The following DMD variants were observed in gnomAD, a reference collection of about 807,000 sequenced individuals.
DMD encodes the protein dystrophin.
In DMD, 63 loss-of-function variants were observed where a neutral mutation model predicts 330.1. The observed-to-expected ratio is 0.19, with a 90% CI of 0.16 to 0.24. The LOEUF (loss-of-function observed/expected upper bound fraction) is 0.24. DMD is among the 10% of genes least tolerant of loss of function. The pLI, the probability that DMD is intolerant of heterozygous loss-of-function variation, is 1.00. For synonymous variants in DMD, 1,223 were observed against 959.8 expected, an observed-to-expected ratio of 1.27 and a Z score of -5.07; for missense variants, 3,344 against 2,684.1, an observed-to-expected ratio of 1.25 and a Z score of -5.43.
rs1281599822 is a variant in DMD at position 32,252,623 on chromosome X, AAT to A, written c.6290+34904_6290+34905del. On this transcript the variant is annotated intron_variant, in intron 43 of 78. Coordinates refer to ENST00000357033, the MANE Select transcript of DMD (RefSeq NM_004006.3). ...ATAAACATATATAAATAAATATATA[AAT>A]ATGTGTATATATAAATATATATAAA... Among the ~76,000 whole-genome samples, 66 of 77,522 alleles carry A rather than the reference AAT, an allele frequency of 8.5e-4. 2 individuals carry two copies. The highest frequency in any genetic ancestry group is 3.2e-3 in the African/African-American group (63 of 19,904). 67.3% of individuals were successfully genotyped at this position (77,522 alleles called of 115,157 possible).
intron 13 of DMD, among the ~76,000 whole-genome samples, chrX:32,581,091 G>A (rs1372237059): frequency 1.8e-5 from 2 of 112,092 alleles, no homozygotes; most frequent in Non-Finnish European, 3.8e-5. Context: ...CTCGCAAAGT[G>A]CTGGGATTGC....
intron 74 of DMD, among the ~76,000 whole-genome samples, chrX:31,161,965 C>A (rs1203414401): frequency 9.0e-6 from 1 of 110,878 alleles, no homozygotes; most frequent in African/African-American, 3.3e-5. Flanking sequence ...TCATCCTTCC[C>A]CCATCTCTCA....
intron 44 of DMD, among the ~76,000 whole-genome samples, chrX:32,215,847 C>A (rs998070373): frequency 1.1e-4 from 12 of 111,822 alleles, no homozygotes; most frequent in Non-Finnish European, 1.7e-4. Flanking sequence ...CGCTGGTGTG[C>A]ATGCAAGTTT....
chrX:32,059,803 A>C (rs1306098739), intron 44 of DMD, among the ~76,000 whole-genome samples: 1 of 111,406 alleles, frequency 9.0e-6, no homozygotes, highest in Non-Finnish European at 1.9e-5. Flanking sequence ...ATAAGATAGT[A>C]AGATACCTGA....
chrX:32,873,492 G>T (rs2083156183), intron 2 of DMD, among the ~76,000 whole-genome samples: 1 of 111,047 alleles, frequency 9.0e-6, no homozygotes, highest in African/African-American at 3.3e-5. Flanking sequence ...CAATTTTGAG[G>T]AAATAATTCT....
At chrX:32,339,042 A>T (rs2074816863) in intron 41 of DMD, among the ~76,000 whole-genome samples, 1 of 112,229 alleles carries the variant, frequency 8.9e-6, no homozygotes, top group Non-Finnish European at 1.9e-5. Flanking sequence ...TTCCAATGTT[A>T]ATATATATAC....
At chrX:32,266,828 C>T (rs982415657) in intron 43 of DMD, among the ~76,000 whole-genome samples, 1 of 111,758 alleles carries the variant, frequency 8.9e-6, no homozygotes, top group Non-Finnish European at 1.9e-5. Flanking sequence ...AATGTTTATA[C>T]CTTTCATGTT....
intron 1 of DMD, among the ~76,000 whole-genome samples, chrX:33,040,957 T>C (rs1008003356): frequency 8.9e-6 from 1 of 112,240 alleles, no homozygotes; most frequent in South Asian, 3.7e-4. Flanking sequence ...TTCATCTAGA[T>C]ACTAAAGAAA....
chrX:32,911,333 A>C (rs1438758922), intron 2 of DMD, among the ~76,000 whole-genome samples: 7 of 112,151 alleles, frequency 6.2e-5, no homozygotes, highest in Non-Finnish European at 5.6e-5. Flanking sequence ...CAGTTTCAAA[A>C]GGCTGTGCTC....
At chrX:31,737,981 T>C (rs888740397) in intron 51 of DMD, among the ~76,000 whole-genome samples, 3 of 111,857 alleles carry the variant, frequency 2.7e-5, no homozygotes, top group African/African-American at 9.7e-5. Flanking sequence ...GTAGAAGCAG[T>C]ATATAGTTGG....
rs1009244790 is a variant in DMD, at chrX:33,239,301, A to G, written c.7+99958T>C. Among the ~76,000 whole-genome samples the G allele has an allele frequency of 7.6e-5, 7 of 92,538 alleles. No homozygotes were observed. The East Asian group carries it at 2.2e-3, about 29-fold the overall frequency. The allele number at this position is 92,538 out of a possible 115,157, so 80.4% of individuals were successfully genotyped here. A position where few individuals can be genotyped will look rare whatever the true frequency, so the allele number is the denominator to read the frequency against. ...AAAAAAAAAAAAAAAAAAAAAAAAA[A>G]TGTCGAATGTCAGGCACATTCCAAA... On this transcript the variant is annotated intron_variant, in intron 1 of 17. Coordinates refer to the DMD transcript ENST00000288447.
At chrX:31,804,723 G>A (rs1445592641) in intron 50 of DMD, among the ~76,000 whole-genome samples, 1 of 111,196 alleles carries the variant, frequency 9.0e-6, no homozygotes, top group East Asian at 2.8e-4. Flanking sequence ...TTTTTAAAAC[G>A]TGCTAGGCTC....
intron 21 of DMD, among the ~76,000 whole-genome samples, chrX:32,478,287 G>A (rs897755107): frequency 2.7e-5 from 3 of 111,649 alleles, no homozygotes; most frequent in African/African-American, 9.7e-5. Flanking sequence ...TGAAGAAGCT[G>A]AACTAATGAC....
intron 2 of DMD, among the ~76,000 whole-genome samples, chrX:32,933,727 G>A (rs1175893979): frequency 8.9e-6 from 1 of 111,868 alleles, no homozygotes; most frequent in East Asian, 2.8e-4. Flanking sequence ...GAGAGGCAGT[G>A]ACGAGAGTGT....
chrX:32,411,256 G>A (rs2098140720), intron 30 of DMD, among the ~76,000 whole-genome samples: 1 of 110,801 alleles, frequency 9.0e-6, no homozygotes, highest in South Asian at 3.8e-4. Flanking sequence ...TCAGCCTCCC[G>A]AGTAGCTGGG....
chrX:32,973,226 G>A lies in DMD; in HGVS notation c.93+46913C>T, dbSNP rs1049213048. On this transcript the variant is annotated intron_variant, in intron 2 of 78. Transcript: ENST00000357033. ...TAGATGAATGCAATGGTTTATTCTC[G>A]TGATTTTAAATTTAATCATTTGTAA... 8.0e-5 allele frequency among the ~76,000 whole-genome samples: 9 copies of A among 111,982 alleles called. No homozygotes were observed. The East Asian group carries it at 1.1e-3, about 14-fold the overall frequency.
chrX:33,245,980 A>G (rs1048350851), intron 1 of DMD, among the ~76,000 whole-genome samples: 5 of 111,934 alleles, frequency 4.5e-5, no homozygotes, highest in African/African-American at 1.6e-4. Context: ...ATTTTTTTCC[A>G]TACTGACATG....
intron 55 of DMD, among the ~76,000 whole-genome samples, chrX:31,569,654 A>ATACGTGTATATACGTGTATATACGTG (rs1556698916): frequency 7.9e-5 from 8 of 101,219 alleles, no homozygotes; most frequent in African/African-American, 2.2e-4. Context: ...ATATACGTAT[A>ATACGTGTATATACGTGTATATACGTG]TATACGTATA....
intron 51 of DMD, among the ~76,000 whole-genome samples, chrX:31,759,779 G>A (rs1569359330): frequency 8.9e-6 from 1 of 111,975 alleles, no homozygotes; most frequent in East Asian, 2.8e-4. Flanking sequence ...AGGAATGGCT[G>A]CTTGGACCCT....
Sources: allele counts gnomAD v4.1 joint callset (sites outside exome capture counted in the v4.1 genomes callset), GRCh38; gene constraint gnomAD v4.1.1; transcripts MANE v1.5; gene names NCBI Gene and HGNC (gene_info 2026-07-23, HGNC 2026-07-21).